ZNF608: variants seen among roughly 807,000 people sequenced by gnomAD.
The protein encoded by ZNF608 is renal carcinoma antigen NY-REN-36.
A neutral mutation model predicts 109.0 loss-of-function variants in ZNF608; 12 were observed. That is an observed-to-expected ratio of 0.11 (90% CI 0.07 to 0.18). The LOEUF is 0.18. Among genes scored for constraint, ZNF608 ranks in the 10% least tolerant of loss-of-function variants. The pLI is 1.00. For synonymous variants in ZNF608, 732 were observed against 717.4 expected (o/e 1.02, Z -0.33); for missense variants, 1,707 against 1,879.3 (o/e 0.91, Z 1.70).
intron 2 of ZNF608, among the ~76,000 whole-genome samples, chr5:124,720,596 A>G (rs1753864986): frequency 6.6e-6 from 1 of 152,218 alleles, no homozygotes; most frequent in African/African-American, 2.4e-5. Flanking sequence ...ATAAATTTTA[A>G]TAACATGTTG....
chr5:124,676,579 T>TA (rs1300359779), intron 3 of ZNF608, among the ~76,000 whole-genome samples: 9 of 151,406 alleles, frequency 5.9e-5, no homozygotes, highest in Admixed American at 5.3e-4. Context: ...AACAAATCTT[T>TA]AAAAAAAAAT....
intron 3 of ZNF608, among the ~76,000 whole-genome samples, chr5:124,697,473 G>A (rs1752897182): frequency 6.6e-6 from 1 of 152,040 alleles, no homozygotes; most frequent in Admixed American, 6.6e-5. Flanking sequence ...CAACATCTGT[G>A]AGTAATTTTG....
chr5:124,726,130 C>T (rs1174272912), intron 2 of ZNF608, among the ~76,000 whole-genome samples: 1 of 152,186 alleles, frequency 6.6e-6, no homozygotes, highest in Non-Finnish European at 1.5e-5. Context: ...GCTGATCACA[C>T]CTTCCTTGCT....
At chr5:124,675,856 CT>C (rs1471316596) in intron 3 of ZNF608, among the ~76,000 whole-genome samples, 2 of 152,138 alleles carry the variant, frequency 1.3e-5, no homozygotes, top group African/African-American at 4.8e-5. Context: ...AAGCAAGCAG[CT>C]ATAATTTTAA....
At chr5:124,654,646 C>T (rs1418652608) in intron 3 of ZNF608, among the ~76,000 whole-genome samples, 6 of 152,222 alleles carry the variant, frequency 3.9e-5, no homozygotes, top group Admixed American at 3.9e-4. Context: ...CACAACTAGA[C>T]TCCTTCTCAG....
chr5:124,640,439 G>A (rs1368886734), intron 8 of ZNF608, among the ~76,000 whole-genome samples: 2 of 152,150 alleles, frequency 1.3e-5, no homozygotes, highest in Non-Finnish European at 2.9e-5. Flanking sequence ...CAAAGAAGAG[G>A]TCATATGAGC....
chr5:124,691,980 T>A (rs994691984), intron 3 of ZNF608, among the ~76,000 whole-genome samples: 10 of 152,070 alleles, frequency 6.6e-5, no homozygotes, highest in African/African-American at 2.2e-4. Flanking sequence ...GATTATAGAG[T>A]TTTTTCCCAT....
intron 2 of ZNF608, chr5:124,710,254 A>G (rs779957291): frequency 2.2e-6 from 1 of 454,722 alleles, no homozygotes; most frequent in South Asian, 1.6e-5. Flanking sequence ...CATTTTGGAA[A>G]CCACCGTATT....
At position 124,639,158 on chromosome 5, in the gene ZNF608, A is replaced by C; in HGVS notation, c.4507T>G (p.Ser1503Ala). The C allele has an allele frequency of 6.2e-7, 1 of 1,614,232 alleles. No individual in the cohort carries two copies. Among genetic ancestry groups the C allele is most frequent in the Non-Finnish European group, 8.5e-7 (1 of 1,180,030 alleles). The change falls in exon 9 of 10, where the codon TCT (serine) becomes GCT (alanine). Residue 1503 changes from serine to alanine, a missense_variant. By Grantham distance (99) the Ser-to-Ala change is moderately conservative. Coordinates refer to ENST00000513986, the MANE Select transcript of ZNF608 (RefSeq NM_020747.3). ...CTTCTTTGTCCAGGAAACATTCCAG[A>C]TGCAGATGCCTGGGCAGCCACCTGC... ...SQQVAAQASA[S>A]GMFPGQRRE
chr5:124,724,249 C>T (rs1473067645), intron 2 of ZNF608, among the ~76,000 whole-genome samples: 2 of 151,954 alleles, frequency 1.3e-5, no homozygotes, highest in East Asian at 3.9e-4. Flanking sequence ...GGGACTATTT[C>T]GAGGACATAC....
At chr5:124,680,890 T>G (rs781167774) in intron 3 of ZNF608, among the ~76,000 whole-genome samples, 22 of 151,520 alleles carry the variant, frequency 1.5e-4, no homozygotes, top group Non-Finnish European at 2.8e-4. Context: ...AAAAACTACA[T>G]GAGGGAAATG....
At chr5:124,653,924 C>T (rs7717604) in intron 3 of ZNF608, among the ~76,000 whole-genome samples, 44,987 of 151,914 alleles carry the variant, frequency 0.3, 7,227 homozygotes, top group East Asian at 0.45. Flanking sequence ...ACTTTGTGTG[C>T]GTGTGTGTGT....
chr5:124,693,996 GAGAGAGTCT>G (rs1752731094), intron 3 of ZNF608, among the ~76,000 whole-genome samples: 1 of 2,918 alleles, frequency 3.4e-4, no homozygotes, highest in African/African-American at 4.6e-3. Context: ...TTTTTTTTGA[GAGAGAGTCT>G]CGCTCTGTTG....
At chr5:124,695,193 CAGA>C (rs1752799261) in intron 3 of ZNF608, among the ~76,000 whole-genome samples, 1 of 152,152 alleles carries the variant, frequency 6.6e-6, no homozygotes, top group East Asian at 1.9e-4. Context: ...TAACGAAATA[CAGA>C]CATCTTATTC....
chr5:124,649,551 TA>T (rs1750689392), intron 4 of ZNF608, 58 bp downstream of exon 4: 2 of 1,384,494 alleles, frequency 1.4e-6, no homozygotes, highest in Middle Eastern at 1.9e-4. Flanking sequence ...AATCTCTCTC[TA>T]CAGTTTCCCT....
chr5:124,687,858 A>G (rs190696018), intron 3 of ZNF608, among the ~76,000 whole-genome samples: 10 of 152,256 alleles, frequency 6.6e-5, no homozygotes, highest in South Asian at 6.2e-4. Flanking sequence ...TGCTGTAGTT[A>G]TATACAGAAG....
chr5:124,745,627 TG>T lies in ZNF608; in HGVS notation c.-183-456del, dbSNP rs557622870. Among the ~76,000 whole-genome samples, 24 of 152,338 alleles carry T rather than the reference TG, an allele frequency of 1.6e-4. No homozygotes were observed. The South Asian group carries it at 4.6e-3, about 29-fold the overall frequency. On this transcript the variant is annotated intron_variant, in intron 1 of 9. Transcript: ENST00000513986. ...TCTTGCAATTTAGAAGACCAGACCC[TG>T]GAAGTTCTGAGGCTAGTTTTCAGAA...
At position 124,674,801 on chromosome 5, in the gene ZNF608, G is replaced by T. The variant is rs148176047; in HGVS notation, c.1163-25104C>A. On this transcript the variant is annotated intron_variant, in intron 3 of 9. Coordinates refer to ENST00000513986, the MANE Select transcript of ZNF608 (RefSeq NM_020747.3). Reference sequence around the variant, plus strand: ...AATTTTTTTATTCTATTATTGTAGAGATAGGATCTTACTTTGTTGACAAGG... The same window carrying T: ...AATTTTTTTATTCTATTATTGTAGATATAGGATCTTACTTTGTTGACAAGG... Among the ~76,000 whole-genome samples the T allele has an allele frequency of 4.4e-3, 668 of 152,134 alleles. 4 individuals carry two copies. The highest frequency in any genetic ancestry group is 0.016 in the African/African-American group (647 of 41,510).
In ZNF608 at chr5:124,743,659, C is replaced by T. The variant is rs1015290190; in HGVS notation, c.906+425G>A. Among the ~76,000 whole-genome samples the T allele has an allele frequency of 2.3e-4, 35 of 152,152 alleles. 1 individual carries two copies. The highest frequency in any genetic ancestry group is 7.2e-4 in the Admixed American group (11 of 15,278). ...ACCTAAGGACACATTACCCGCAATACTAGGATGAATAAATTAAAATAGAAA... is the reference window on the plus strand; with the variant it reads ...ACCTAAGGACACATTACCCGCAATATTAGGATGAATAAATTAAAATAGAAA... On this transcript the variant is annotated intron_variant, in intron 2 of 9. Transcript: ENST00000513986.
Sources: allele counts gnomAD v4.1 joint callset (sites outside exome capture counted in the v4.1 genomes callset), GRCh38; gene constraint gnomAD v4.1.1; transcripts MANE v1.5; gene names NCBI Gene and HGNC (gene_info 2026-07-23, HGNC 2026-07-21).